Variants in ZHX2 observed in about 807,000 individuals in gnomAD.
The protein encoded by ZHX2 is zinc fingers and homeoboxes protein 2.
ZHX2 carries 6 observed loss-of-function variants against 21.9 expected under a neutral mutation model. The observed-to-expected ratio is 0.27, with a 90% CI of 0.15 to 0.54. ZHX2 has a LOEUF of 0.54. Among genes scored for constraint, ZHX2 ranks in the 20% least tolerant of loss-of-function variants. ZHX2 has a pLI of 0.95. For synonymous variants in ZHX2, 434 were observed against 437.1 expected, an observed-to-expected ratio of 0.99 and a Z score of 0.09; for missense variants, 908 against 1,090.7, an observed-to-expected ratio of 0.83 and a Z score of 2.36.
intron 1 of ZHX2, among the ~76,000 whole-genome samples, chr8:122,815,047 T>C (rs1480680240): frequency 6.6e-6 from 1 of 152,250 alleles, no homozygotes; most frequent in Admixed American, 6.5e-5. Flanking sequence ...TCAGAAAATA[T>C]AGATGATGAG....
At chr8:122,849,646 C>T (rs1278657543) in intron 1 of ZHX2, among the ~76,000 whole-genome samples, 2 of 152,278 alleles carry the variant, frequency 1.3e-5, no homozygotes, top group South Asian at 2.1e-4. Flanking sequence ...CAGGTGGACA[C>T]TTGCCATTGG....
At chr8:122,966,145 C>T (rs1813580314) in intron 3 of ZHX2, among the ~76,000 whole-genome samples, 1 of 152,182 alleles carries the variant, frequency 6.6e-6, no homozygotes, top group African/African-American at 2.4e-5. Flanking sequence ...AGGCCATTTA[C>T]ATTCAGTGTT....
chr8:122,834,648 C>T (rs1818456829), intron 1 of ZHX2, among the ~76,000 whole-genome samples: 1 of 152,186 alleles, frequency 6.6e-6, no homozygotes, highest in African/African-American at 2.4e-5. Context: ...TGAGGGCCGT[C>T]ATCAAGCTTC....
chr8:122,871,740 A>AC (rs1819444504), intron 2 of ZHX2, among the ~76,000 whole-genome samples: 2 of 150,584 alleles, frequency 1.3e-5, no homozygotes, highest in African/African-American at 4.9e-5. Context: ...AAAAAAAAAA[A>AC]AAAAAAACTA....
chr8:122,799,059 G>A (rs1192705071), intron 1 of ZHX2, among the ~76,000 whole-genome samples: 1 of 152,182 alleles, frequency 6.6e-6, no homozygotes, highest in Non-Finnish European at 1.5e-5. Flanking sequence ...CCATGTTAAA[G>A]CTCGCTCCAG....
intron 2 of ZHX2, among the ~76,000 whole-genome samples, chr8:122,934,905 C>T (rs764858581): frequency 1.3e-4 from 20 of 152,174 alleles, no homozygotes; most frequent in Non-Finnish European, 2.4e-4. Context: ...CCAGGCTAGT[C>T]TTGAACTCCT....
chr8:122,796,170 C>CAA (rs35841484), intron 1 of ZHX2, among the ~76,000 whole-genome samples: 69 of 110,296 alleles, frequency 6.3e-4, no homozygotes, highest in African/African-American at 1.4e-3. Flanking sequence ...GACTCCATCT[C>CAA]AAAAAAAAAA....
chr8:122,939,844 G>A (rs886874905), intron 2 of ZHX2, among the ~76,000 whole-genome samples: 6 of 152,162 alleles, frequency 3.9e-5, no homozygotes, highest in Admixed American at 2.6e-4. Context: ...ACTGAAAGGC[G>A]CTGTAGAGGA....
chr8:122,850,819 C>T (rs55837549), intron 1 of ZHX2, among the ~76,000 whole-genome samples: 31,565 of 151,584 alleles, frequency 0.21, 3,614 homozygotes, highest in Middle Eastern at 0.36. Flanking sequence ...TTTGTTTCTC[C>T]TCTGCCCCAG....
At chr8:122,865,254 G>A (rs555459169) in intron 2 of ZHX2, among the ~76,000 whole-genome samples, 18 of 151,896 alleles carry the variant, frequency 1.2e-4, no homozygotes, top group South Asian at 6.2e-4. Context: ...TCAGCCTCCC[G>A]AGTAGCTGGG....
At chr8:122,807,645 G>A (rs1194594023) in intron 1 of ZHX2, 1 of 152,258 alleles carries the variant, frequency 6.6e-6, no homozygotes, top group Non-Finnish European at 1.5e-5. Flanking sequence ...GACTGACCAA[G>A]GGTGTTGGAG....
chr8:122,879,149 G>C (rs1819639679), intron 2 of ZHX2, among the ~76,000 whole-genome samples: 1 of 152,232 alleles, frequency 6.6e-6, no homozygotes, highest in Non-Finnish European at 1.5e-5. Flanking sequence ...CTGAAAGGCA[G>C]TCTGCCTAGA....
At chr8:122,943,901 G>A (rs557543346) in intron 2 of ZHX2, among the ~76,000 whole-genome samples, 8 of 152,244 alleles carry the variant, frequency 5.3e-5, no homozygotes, top group South Asian at 2.1e-4. Flanking sequence ...ACTCCCTGGC[G>A]TGGCATTCCA....
chr8:122,957,062 G>A (rs916578898), intron 3 of ZHX2, among the ~76,000 whole-genome samples: 3 of 152,100 alleles, frequency 2.0e-5, no homozygotes, highest in Non-Finnish European at 2.9e-5. Flanking sequence ...AGAGGTCGAG[G>A]TAGGTTCTCT....
At chr8:122,908,107 C>T (rs1317169330) in intron 2 of ZHX2, among the ~76,000 whole-genome samples, 9 of 152,176 alleles carry the variant, frequency 5.9e-5, no homozygotes, top group Admixed American at 5.9e-4. Flanking sequence ...TGACAATCCT[C>T]GCCCCGCCCA....
In ZHX2 at chr8:122,974,025, T is replaced by A. The variant is rs2130398871; in HGVS notation, c.*788T>A. On this transcript the variant is annotated 3_prime_UTR_variant, in exon 4 of 4. Transcript: ENST00000314393. ...ACTGGGTAGCAGGTGGCTGACTTCT[T>A]TAAGCACCTTTCTAAATACCAGCAG... The A allele has an allele frequency of 6.5e-6, 1 of 152,798 alleles. No homozygotes were observed. Among genetic ancestry groups the A allele is most frequent in the Middle Eastern group, 3.4e-3 (1 of 296 alleles). 9.5% of individuals were successfully genotyped at this position (152,798 alleles called of 1,614,324 possible).
At chr8:122,919,451 T>C (rs1820685656) in intron 2 of ZHX2, among the ~76,000 whole-genome samples, 1 of 152,232 alleles carries the variant, frequency 6.6e-6, no homozygotes, top group Non-Finnish European at 1.5e-5. Flanking sequence ...GCGTACTCAC[T>C]ACATACTAAG....
At chr8:122,806,829 G>A (rs1335680888) in intron 1 of ZHX2, among the ~76,000 whole-genome samples, 1 of 152,198 alleles carries the variant, frequency 6.6e-6, no homozygotes, top group Non-Finnish European at 1.5e-5. Context: ...CCTCATTTAT[G>A]GAGTAAAACT....
chr8:122,875,026 T>C (rs1252609994), intron 2 of ZHX2, among the ~76,000 whole-genome samples: 3 of 151,368 alleles, frequency 2.0e-5, no homozygotes, highest in East Asian at 3.9e-4. Context: ...TGAATCACCA[T>C]GGCTGGTTTT....
Sources: gnomAD v4.1 joint callset for allele counts (sites outside exome capture counted in the v4.1 genomes callset) on GRCh38, gnomAD v4.1.1 for gene constraint, MANE v1.5 for transcripts, NCBI Gene and HGNC (gene_info 2026-07-23, HGNC 2026-07-21) for gene names.